Variants in UNC13C observed in about 807,000 individuals in gnomAD.
UNC13C encodes protein unc-13 homolog C.
A neutral mutation model predicts 245.4 loss-of-function variants in UNC13C; 174 were observed. The ratio of observed to expected loss-of-function variants is 0.71; its 90% CI spans 0.63 to 0.80. The LOEUF (loss-of-function observed/expected upper bound fraction) is 0.80. Among genes scored for constraint, UNC13C ranks in the 30% least tolerant of loss-of-function variants. The pLI is 0.00. For missense variants in UNC13C, 2,829 were observed against 2,602.9 expected, an observed-to-expected ratio of 1.09 and a Z score of -1.89; for synonymous variants, 992 against 895.1, an observed-to-expected ratio of 1.11 and a Z score of -1.93.
At chr15:54,531,791 C>T (rs1895750534) in intron 25 of UNC13C, among the ~76,000 whole-genome samples, 1 of 152,010 alleles carries the variant, frequency 6.6e-6, no homozygotes, top group African/African-American at 2.4e-5. Flanking sequence ...ACTGATATCA[C>T]CACAAAAAAG....
chr15:54,508,903 T>C (rs1217216143), intron 23 of UNC13C, among the ~76,000 whole-genome samples: 1 of 152,136 alleles, frequency 6.6e-6, no homozygotes, highest in Non-Finnish European at 1.5e-5. Flanking sequence ...TCATTTAAGA[T>C]ACGACCATAA....
the UNC13C span, chr15:53,912,348 C>G: frequency 0.026 from 3,904 of 152,462 alleles, 162 homozygotes; most frequent in African/African-American, 0.09. Flanking sequence ...GGGAACTGGA[C>G]AACTGGAGGC....
chr15:53,929,939 A>G, the UNC13C span, among the ~76,000 whole-genome samples: 1 of 152,192 alleles, frequency 6.6e-6, no homozygotes, highest in African/African-American at 2.4e-5. Flanking sequence ...TTTATTTTAG[A>G]TATATCTTAC....
In UNC13C at chr15:54,497,342, G is replaced by A. The variant is rs956984441; in HGVS notation, c.5060+2608G>A. Among the ~76,000 whole-genome samples the A allele has an allele frequency of 1.2e-4, 19 of 152,136 alleles. No homozygotes were observed. The East Asian group carries it at 3.1e-3, about 25-fold the overall frequency. On this transcript the variant is annotated intron_variant, in intron 20 of 32. Transcript: ENST00000260323. Reference sequence around the variant, plus strand: ...CCATACATCTGCCAATTTGCAATACGGGGCTTGCAGAGCAAACAGCCAACA... The same window carrying A: ...CCATACATCTGCCAATTTGCAATACAGGGCTTGCAGAGCAAACAGCCAACA...
At chr15:54,526,774 C>G (rs1420637364) in intron 25 of UNC13C, among the ~76,000 whole-genome samples, 3 of 149,258 alleles carry the variant, frequency 2.0e-5, no homozygotes, top group Non-Finnish European at 3.0e-5. Context: ...AGATTGCTCT[C>G]TTCAGGTAGG....
At chr15:54,006,814 T>G (rs1895157533) in intron 1 of UNC13C, among the ~76,000 whole-genome samples, 1 of 152,218 alleles carries the variant, frequency 6.6e-6, no homozygotes. Flanking sequence ...GGCTTGCCCT[T>G]CCATCTCCAG....
At chr15:54,194,043 A>T (rs932134887) in intron 4 of UNC13C, among the ~76,000 whole-genome samples, 1 of 152,178 alleles carries the variant, frequency 6.6e-6, no homozygotes, top group African/African-American at 2.4e-5. Context: ...ATGAATTTAT[A>T]AAGATGCAAA....
At chr15:54,170,120 CA>C (rs2033339441) in intron 4 of UNC13C, among the ~76,000 whole-genome samples, 1 of 150,856 alleles carries the variant, frequency 6.6e-6, no homozygotes, top group South Asian at 2.1e-4. Context: ...CTGTTTCTTG[CA>C]GATAAGACCT....
At chr15:53,872,243 A>T in the UNC13C span, among the ~76,000 whole-genome samples, 2 of 152,152 alleles carry the variant, frequency 1.3e-5, no homozygotes, top group Non-Finnish European at 2.9e-5. Flanking sequence ...TGGGAGGAAT[A>T]TGTCAGATAG....
intron 2 of UNC13C, among the ~76,000 whole-genome samples, chr15:54,135,813 A>G (rs138038856): frequency 3.9e-4 from 59 of 151,868 alleles, no homozygotes; most frequent in Middle Eastern, 3.4e-3. Flanking sequence ...AAGTTTTAGA[A>G]TTTTTTTTCT....
intron 30 of UNC13C, among the ~76,000 whole-genome samples, chr15:54,594,459 A>G (rs1240202455): frequency 3.3e-5 from 5 of 151,890 alleles, no homozygotes; most frequent in Non-Finnish European, 1.5e-5. Context: ...GGGCAGGGCT[A>G]GGTGTGTCTG....
intron 16 of UNC13C, among the ~76,000 whole-genome samples, chr15:54,336,413 G>A (rs1412374758): frequency 6.6e-6 from 1 of 151,600 alleles, no homozygotes; most frequent in African/African-American, 2.4e-5. Flanking sequence ...TATTATTTTT[G>A]CCTTGTTTGT....
intron 19 of UNC13C, among the ~76,000 whole-genome samples, chr15:54,448,485 T>C (rs1890962597): frequency 6.6e-6 from 1 of 152,214 alleles, no homozygotes; most frequent in African/African-American, 2.4e-5. Context: ...ATATTTAGGA[T>C]AGTTAGCTCT....
chr15:54,212,432 G>A (rs772966363), intron 4 of UNC13C, among the ~76,000 whole-genome samples: 32 of 152,036 alleles, frequency 2.1e-4, no homozygotes, highest in Non-Finnish European at 4.0e-4. Flanking sequence ...ACAGTCACTG[G>A]AAACAGCTCC....
chr15:54,479,653 T>C (rs1892993527), intron 19 of UNC13C, among the ~76,000 whole-genome samples: 1 of 152,162 alleles, frequency 6.6e-6, no homozygotes. Context: ...TTTTCTTTAT[T>C]CATCTTTTAT....
chr15:54,612,738 A>G (rs757176858), intron 30 of UNC13C, among the ~76,000 whole-genome samples: 12 of 151,974 alleles, frequency 7.9e-5, no homozygotes, highest in Non-Finnish European at 1.3e-4. Flanking sequence ...TTTTTGAAAA[A>G]TCACATTTTA....
At chr15:54,348,996 C>G (rs2038921074) in intron 17 of UNC13C, among the ~76,000 whole-genome samples, 1 of 151,436 alleles carries the variant, frequency 6.6e-6, no homozygotes, top group African/African-American at 2.4e-5. Flanking sequence ...TTTTTACCAC[C>G]TTATGTGCTC....
chr15:54,464,649 A>G (rs1028850417), intron 19 of UNC13C, among the ~76,000 whole-genome samples: 1 of 152,128 alleles, frequency 6.6e-6, no homozygotes, highest in African/African-American at 2.4e-5. Context: ...TTTTATTTGA[A>G]TAATTTTAGA....
intron 4 of UNC13C, among the ~76,000 whole-genome samples, chr15:54,199,108 A>T (rs1320686168): frequency 6.6e-6 from 1 of 152,040 alleles, no homozygotes; most frequent in African/African-American, 2.4e-5. Context: ...GCTCGAAGAC[A>T]GGCTTTCCGA....
Sources: gnomAD v4.1 joint callset for allele counts (sites outside exome capture counted in the v4.1 genomes callset) on GRCh38, gnomAD v4.1.1 for gene constraint, MANE v1.5 for transcripts, NCBI Gene and HGNC (gene_info 2026-07-23, HGNC 2026-07-21) for gene names.